Variants in FGF12 observed in about 807,000 individuals in gnomAD.
FGF12 encodes the protein fibroblast growth factor 12, also known as fibroblast growth factor 12B.
A neutral mutation model predicts 23.6 loss-of-function variants in FGF12; 14 were observed. The observed-to-expected ratio is 0.59, with a 90% CI of 0.39 to 0.93. The LOEUF (loss-of-function observed/expected upper bound fraction) is 0.93, where lower values mean the gene tolerates loss of function less well. Ranked by LOEUF, FGF12 falls within the 40% of genes least tolerant of loss-of-function variation. The pLI is 0.00. For synonymous variants in FGF12, 62 were observed against 77.3 expected (o/e 0.80, Z 1.04); for missense variants, 175 against 217.8 (o/e 0.80, Z 1.24).
At chr3:192,389,374 T>C (rs1340507362) in intron 2 of FGF12, among the ~76,000 whole-genome samples, 1 of 152,056 alleles carries the variant, frequency 6.6e-6, no homozygotes, top group Non-Finnish European at 1.5e-5. Context: ...ACAACGACAA[T>C]ACATATTCCG....
At chr3:192,621,136 C>G (rs1000620236) in intron 2 of FGF12, among the ~76,000 whole-genome samples, 2 of 152,092 alleles carry the variant, frequency 1.3e-5, no homozygotes, top group African/African-American at 4.8e-5. Context: ...TTTGTTTTCA[C>G]CCACCCCCAA....
At chr3:192,418,907 C>G (rs897986525) in intron 2 of FGF12, among the ~76,000 whole-genome samples, 4 of 152,180 alleles carry the variant, frequency 2.6e-5, no homozygotes, top group African/African-American at 9.7e-5. Flanking sequence ...TATAGCAAGG[C>G]AAGAACAGAC....
chr3:192,714,513 A>ATTTTTTTTTTTTTTTTTTTTTTTTT (rs770781442), intron 2 of FGF12, among the ~76,000 whole-genome samples: 13 of 99,750 alleles, frequency 1.3e-4, no homozygotes, highest in East Asian at 1.3e-3. Context: ...TAAGGAAATA[A>ATTTTTTTTTTTTTTTTTTTTTTTTT]TTTTTTTTTT....
rs192206110 is a variant in FGF12, at chr3:192,481,297, G to T, written c.14-120759C>A. Among the ~76,000 whole-genome samples the T allele has an allele frequency of 3.3e-5, 5 of 151,954 alleles. No homozygotes were observed. In the East Asian group the frequency reaches 7.7e-4, roughly 23 times the overall value. Reference sequence around the variant, plus strand: ...AATGAAAAAGAGCATAAATAGCTTGGATGGTTTAAAAAAATGCACTTATCC... The same window carrying T: ...AATGAAAAAGAGCATAAATAGCTTGTATGGTTTAAAAAAATGCACTTATCC... On this transcript the variant is annotated intron_variant, in intron 2 of 5. Transcript: ENST00000445105.
chr3:192,613,237 C>T (rs1486232501), intron 2 of FGF12, among the ~76,000 whole-genome samples: 1 of 151,826 alleles, frequency 6.6e-6, no homozygotes, highest in Non-Finnish European at 1.5e-5. Context: ...AGATTAGTAA[C>T]TTTATTGTAT....
chr3:192,685,134 C>A (rs1647298212), intron 2 of FGF12, among the ~76,000 whole-genome samples: 1 of 152,134 alleles, frequency 6.6e-6, no homozygotes, highest in South Asian at 2.1e-4. Context: ...TCACTGCAAC[C>A]TCTGCCTCCC....
In FGF12 at chr3:192,185,969, T is replaced by TATTA. The variant is rs914573066; in HGVS notation, c.229-15314_229-15313insTAAT. Among the ~76,000 whole-genome samples, 203 of 152,062 alleles carry TATTA rather than the reference T, an allele frequency of 1.3e-3. 1 individual carries two copies. The highest frequency in any genetic ancestry group is 3.7e-3 in the African/African-American group (153 of 41,474). On this transcript the variant is annotated intron_variant, in intron 4 of 5. Transcript: ENST00000445105. ...TTGGTGAAAGAGAGAGAAAAAACAT[T>TATTA]AAAAAAATATAAACTGAAGCATACA...
chr3:192,321,116 A>G (rs1413767698), intron 4 of FGF12, among the ~76,000 whole-genome samples: 3 of 152,080 alleles, frequency 2.0e-5, no homozygotes, highest in Non-Finnish European at 4.4e-5. Flanking sequence ...TCAGAGACAA[A>G]AAAAGGAGAC....
At chr3:192,277,787 GAGT>G (rs935949040) in intron 4 of FGF12, among the ~76,000 whole-genome samples, 1 of 152,164 alleles carries the variant, frequency 6.6e-6, no homozygotes, top group Non-Finnish European at 1.5e-5. Flanking sequence ...TTTTGAGACA[GAGT>G]CTCGCTCTGT....
intron 2 of FGF12, among the ~76,000 whole-genome samples, chr3:192,432,636 A>T (rs954434187): frequency 7.4e-6 from 1 of 135,082 alleles, no homozygotes; most frequent in Non-Finnish European, 1.7e-5. Flanking sequence ...AAAAAAAAAA[A>T]AAAAAAGAAA....
At chr3:192,288,628 A>C (rs1577322306) in intron 4 of FGF12, among the ~76,000 whole-genome samples, 1 of 152,116 alleles carries the variant, frequency 6.6e-6, no homozygotes, top group Non-Finnish European at 1.5e-5. Context: ...TCAACTATAA[A>C]GTGTTCATAA....
At chr3:192,239,015 A>G (rs1164931061) in intron 4 of FGF12, among the ~76,000 whole-genome samples, 1 of 152,206 alleles carries the variant, frequency 6.6e-6, no homozygotes, top group African/African-American at 2.4e-5. Context: ...TTAGTGTAAT[A>G]CAGGTTAACA....
chr3:192,664,258 G>T (rs1482035642), intron 2 of FGF12, among the ~76,000 whole-genome samples: 2 of 152,076 alleles, frequency 1.3e-5, no homozygotes, highest in Non-Finnish European at 2.9e-5. Flanking sequence ...CCACTGTGTG[G>T]ATTAGACAAG....
In FGF12 at chr3:192,335,430, T is replaced by C. The variant is rs777025456; in HGVS notation, c.159A>G (p.Val53=). The part of the protein sequence containing the change: ...LFNLIPVGLR[V]VAIQGVKASL... ...TAGCCTTCACTCCTTGGATGGCCAC[T>C]ACACGCAGGCCCACGGGAATTAGAT... Residue 53 remains valine (V), a synonymous_variant, in exon 4 of 6, where the codon GTA becomes GTG. Coordinates refer to ENST00000445105, the MANE Select transcript of FGF12 (RefSeq NM_004113.6). 2.5e-5 allele frequency: 40 copies of C among 1,612,968 alleles called. No homozygotes were observed. Among genetic ancestry groups the C allele is most frequent in the Non-Finnish European group, 3.0e-5 (35 of 1,179,384 alleles).
chr3:192,493,486 G>C (rs1419084600), intron 2 of FGF12, among the ~76,000 whole-genome samples: 2 of 152,108 alleles, frequency 1.3e-5, no homozygotes, highest in Non-Finnish European at 2.9e-5. Context: ...GACATAAGAA[G>C]GCCTCAAAGA....
At chr3:192,227,483 T>G (rs1328082787) in intron 4 of FGF12, among the ~76,000 whole-genome samples, 1 of 150,760 alleles carries the variant, frequency 6.6e-6, no homozygotes, top group Non-Finnish European at 1.5e-5. Context: ...TCCCTTTATC[T>G]GACTAATGGA....
At chr3:192,706,404 T>C (rs966766743) in intron 2 of FGF12, among the ~76,000 whole-genome samples, 29 of 152,126 alleles carry the variant, frequency 1.9e-4, no homozygotes, top group African/African-American at 7.0e-4. Flanking sequence ...GCAAAGCGAC[T>C]TTGCCAAGGT....
chr3:192,546,388 C>T (rs1055194560), intron 2 of FGF12, among the ~76,000 whole-genome samples: 1 of 148,988 alleles, frequency 6.7e-6, no homozygotes, highest in Non-Finnish European at 1.5e-5. Context: ...ATGGAAAAAT[C>T]AATTATATAT....
chr3:192,695,806 T>C (rs1718101433), intron 2 of FGF12, among the ~76,000 whole-genome samples: 1 of 152,178 alleles, frequency 6.6e-6, no homozygotes, highest in African/African-American at 2.4e-5. Context: ...GCACGTTTTA[T>C]ATCCTTAAGG....
Sources: allele counts gnomAD v4.1 joint callset (sites outside exome capture counted in the v4.1 genomes callset), GRCh38; gene constraint gnomAD v4.1.1; transcripts MANE v1.5; gene names NCBI Gene and HGNC (gene_info 2026-07-23, HGNC 2026-07-21).